The following ROBO2 variants were observed in gnomAD, a reference collection of about 807,000 sequenced individuals.
ROBO2 encodes roundabout guidance receptor 2.
Under a neutral mutation model 160.8 loss-of-function variants are expected in ROBO2, and 53 were observed. The observed-to-expected ratio is 0.33, with a 90% CI of 0.26 to 0.41. The LOEUF is 0.41. Among genes scored for constraint, ROBO2 ranks in the 10% least tolerant of loss-of-function variants. The pLI, the probability that ROBO2 is intolerant of heterozygous loss-of-function variation, is 1.00. For missense variants in ROBO2, 1,577 were observed against 1,722.4 expected, an observed-to-expected ratio of 0.92 and a Z score of 1.49; for synonymous variants, 664 against 611.7, an observed-to-expected ratio of 1.09 and a Z score of -1.26.
intron 2 of ROBO2, among the ~76,000 whole-genome samples, chr3:76,884,039 G>T (rs1041247073): frequency 2.0e-5 from 3 of 152,152 alleles, no homozygotes; most frequent in East Asian, 1.9e-4. Context: ...GTGCACTAGG[G>T]GGTTTAATCA....
At chr3:77,152,967 T>G (rs2077670340) in intron 2 of ROBO2, among the ~76,000 whole-genome samples, 1 of 152,164 alleles carries the variant, frequency 6.6e-6, no homozygotes, top group Admixed American at 6.5e-5. Flanking sequence ...ACTGATCTAC[T>G]CTATCTATGG....
chr3:76,002,049 C>T (rs560405915), intron 2 of ROBO2, among the ~76,000 whole-genome samples: 2 of 152,098 alleles, frequency 1.3e-5, no homozygotes, highest in Admixed American at 6.5e-5. Flanking sequence ...CCTAAAAGGG[C>T]ACAATTACTA....
intron 2 of ROBO2, among the ~76,000 whole-genome samples, chr3:76,514,248 T>A (rs1577792668): frequency 6.6e-6 from 1 of 152,270 alleles, no homozygotes; most frequent in South Asian, 2.1e-4. Flanking sequence ...TTTCTAGATG[T>A]TTGATCAGAT....
At chr3:75,962,222 ATC>A (rs1232520579) in intron 2 of ROBO2, among the ~76,000 whole-genome samples, 1 of 151,786 alleles carries the variant, frequency 6.6e-6, no homozygotes, top group Admixed American at 6.6e-5. Context: ...TATGATTAAC[ATC>A]TGACTTTTCA....
chr3:77,410,552 T>TCCTCCTCCTCCTCC (rs2076637815), intron 2 of ROBO2, among the ~76,000 whole-genome samples: 2 of 49,160 alleles, frequency 4.1e-5, no homozygotes, highest in Admixed American at 3.5e-4. Flanking sequence ...CTTCCTCCTC[T>TCCTCCTCCTCCTCC]TCTTCCTCCT....
At chr3:77,176,379 G>C (rs1485130661) in intron 2 of ROBO2, among the ~76,000 whole-genome samples, 3 of 152,010 alleles carry the variant, frequency 2.0e-5, no homozygotes, top group Non-Finnish European at 4.4e-5. Flanking sequence ...TTCAGGGTCT[G>C]TGTGGAAGAA....
At chr3:77,038,084 T>G (rs1167931486), upstream of ROBO2, among the ~76,000 whole-genome samples, 2 of 152,220 alleles carry the variant, frequency 1.3e-5, no homozygotes, top group Non-Finnish European at 2.9e-5. Context: ...AAAAGAGATG[T>G]TAATAGCGCA....
intron 2 of ROBO2, among the ~76,000 whole-genome samples, chr3:76,690,641 T>C (rs1199713179): frequency 6.6e-6 from 1 of 152,080 alleles, no homozygotes; most frequent in Non-Finnish European, 1.5e-5. Context: ...TTTATATTTT[T>C]ATATTTATTA....
chr3:76,430,770 T>C (rs1449103817), intron 2 of ROBO2, among the ~76,000 whole-genome samples: 1 of 152,092 alleles, frequency 6.6e-6, no homozygotes, highest in East Asian at 1.9e-4. Context: ...AAGATATAGA[T>C]ACTGCATGCT....
chr3:76,044,470 G>T (rs922344351), intron 2 of ROBO2, among the ~76,000 whole-genome samples: 1 of 151,920 alleles, frequency 6.6e-6, no homozygotes, highest in Non-Finnish European at 1.5e-5. Context: ...TGTTATTATT[G>T]TAAAGATTTC....
chr3:76,398,437 G>T (rs893440430), intron 2 of ROBO2, among the ~76,000 whole-genome samples: 35 of 151,584 alleles, frequency 2.3e-4, no homozygotes, highest in African/African-American at 8.0e-4. Flanking sequence ...TAACTAACCT[G>T]CACATTGTGC....
At position 76,942,843 on chromosome 3, in the gene ROBO2, T is replaced by C. The variant is rs2078280677; in HGVS notation, c.110-155171T>C. ...TTTCAACTCTCACTTTCTATTACTC[T>C]AATTTTCCAACTCCTAACTGAAAAA... On this transcript the variant is annotated intron_variant, in intron 2 of 26. Coordinates refer to the ROBO2 transcript ENST00000487694. Among the ~76,000 whole-genome samples the C allele has an allele frequency of 2.0e-5, 3 of 152,168 alleles. No homozygotes were observed. The South Asian group carries it at 6.2e-4, about 32-fold the overall frequency.
intron 1 of ROBO2, among the ~76,000 whole-genome samples, chr3:77,076,803 C>T (rs551559461): frequency 3.5e-4 from 54 of 152,114 alleles, no homozygotes; most frequent in South Asian, 6.2e-4. Flanking sequence ...TTTGAGTTTT[C>T]GTGTGTTTTT....
chr3:77,295,756 A>G (rs957683984), intron 2 of ROBO2, among the ~76,000 whole-genome samples: 2 of 151,304 alleles, frequency 1.3e-5, no homozygotes, highest in Admixed American at 6.6e-5. Flanking sequence ...CTGAGGCTAG[A>G]TCACCCCAGA....
chr3:76,005,996 A>G (rs2066010746), intron 2 of ROBO2, among the ~76,000 whole-genome samples: 1 of 152,192 alleles, frequency 6.6e-6, no homozygotes, highest in Non-Finnish European at 1.5e-5. Flanking sequence ...ATCTGTACAA[A>G]AATACATATG....
intron 2 of ROBO2, among the ~76,000 whole-genome samples, chr3:76,996,580 C>A (rs6548472): frequency 0.53 from 81,070 of 151,894 alleles, 22,572 homozygotes; most frequent in East Asian, 0.8. Context: ...CTTCCTACCC[C>A]TGAGCATGGA....
At chr3:76,625,881 G>A (rs921160141) in intron 2 of ROBO2, among the ~76,000 whole-genome samples, 20 of 151,390 alleles carry the variant, frequency 1.3e-4, no homozygotes, top group African/African-American at 4.9e-4. Flanking sequence ...TTTTTTTTTC[G>A]AAGGATTCTA....
At chr3:77,513,916 C>A (rs143222163) in intron 5 of ROBO2, among the ~76,000 whole-genome samples, 4 of 151,786 alleles carry the variant, frequency 2.6e-5, no homozygotes, top group African/African-American at 9.6e-5. Context: ...TGTCGGCACA[C>A]GATTGTACAA....
chr3:77,119,250 A>G (rs1457474674), intron 2 of ROBO2, among the ~76,000 whole-genome samples: 1 of 152,204 alleles, frequency 6.6e-6, no homozygotes, highest in East Asian at 1.9e-4. Flanking sequence ...ACCCAGTCTC[A>G]GGTAGTTCTT....
Sources: allele counts gnomAD v4.1 joint callset (sites outside exome capture counted in the v4.1 genomes callset), GRCh38; gene constraint gnomAD v4.1.1; transcripts MANE v1.5; gene names NCBI Gene and HGNC (gene_info 2026-07-23, HGNC 2026-07-21).